ABCC8: variants seen among roughly 807,000 people sequenced by gnomAD.
ABCC8 encodes ATP binding cassette subfamily C member 8, also known as ATP-binding cassette sub-family C member 8.
Under a neutral mutation model 188.0 loss-of-function variants are expected in ABCC8, and 137 were observed. That is an observed-to-expected ratio of 0.73 (90% confidence interval 0.63 to 0.84). ABCC8 has a LOEUF of 0.84. ABCC8 is among the 40% of genes least tolerant of loss of function. The pLI is 0.00. For missense variants in ABCC8, 1,750 were observed against 2,072.7 expected (o/e 0.84, Z 3.02); for synonymous variants, 797 against 846.5 (o/e 0.94, Z 1.01).
chr11:17,400,792 G>A (rs537212895), intron 29 of ABCC8, among the ~76,000 whole-genome samples: 37 of 152,276 alleles, frequency 2.4e-4, no homozygotes, highest in African/African-American at 7.2e-4. Context: ...AGAATGTGGC[G>A]ATTCGTACCT....
chr11:17,416,874 C>T lies in ABCC8; in HGVS notation c.2255+56G>A. On this transcript the variant is annotated intron_variant, in intron 17 of 38. Transcript: ENST00000389817. Reference sequence around the variant, plus strand: ...TACCCACCCACAAGTCCTCCACCCCCACCCTACCCCTTCCCTTTGTTGAGA... The same window carrying T: ...TACCCACCCACAAGTCCTCCACCCCTACCCTACCCCTTCCCTTTGTTGAGA... 28 of 1,601,500 alleles carry T rather than the reference C, an allele frequency of 1.7e-5. No homozygotes were observed. In the South Asian group the frequency reaches 2.9e-4, roughly 16 times the overall value.
At chr11:17,428,181 AG>A (rs1468963738) in intron 14 of ABCC8, 107 bp downstream of exon 14, 4 of 1,573,026 alleles carry the variant, frequency 2.5e-6, no homozygotes, top group Admixed American at 1.7e-5. Context: ...ACAGGCAGGC[AG>A]GGTGACCTCT....
chr11:17,448,679 T>C lies in ABCC8; in HGVS notation c.1177-8A>G, dbSNP rs1157706102. The C allele has an allele frequency of 6.2e-7, 1 of 1,614,160 alleles. No homozygotes were observed. The highest frequency in any genetic ancestry group is 8.5e-7 in the Non-Finnish European group (1 of 1,180,020). ...TTTATTGTAAATCTTGGTCTAGAAA[T>C]GAGAGCAGAGTGTTTCACATTCATC... On this transcript the variant is annotated splice_region_variant and splice_polypyrimidine_tract_variant and intron_variant, in intron 7 of 38. Coordinates refer to ENST00000389817, the MANE Select transcript of ABCC8 (RefSeq NM_000352.6).
chr11:17,465,860 C>G (rs1848112787), intron 3 of ABCC8, among the ~76,000 whole-genome samples: 1 of 152,132 alleles, frequency 6.6e-6, no homozygotes, highest in Non-Finnish European at 1.5e-5. Context: ...TTGTTCTCCT[C>G]CAAGCTGGTC....
chr11:17,449,922 T>A (rs1253962577), intron 7 of ABCC8, among the ~76,000 whole-genome samples: 1 of 152,212 alleles, frequency 6.6e-6, no homozygotes, highest in Non-Finnish European at 1.5e-5. Flanking sequence ...ATGACATTTT[T>A]AAAGAAATCT....
Position 17,476,730 on chromosome 11 carries a change from C to G in ABCC8, c.47G>C (p.Arg16Pro). 3.1e-6 allele frequency: 5 copies of G among 1,604,856 alleles called. No homozygotes were observed. Among genetic ancestry groups the G allele is most frequent in the Non-Finnish European group, 4.3e-6 (5 of 1,176,062 alleles). The change falls in exon 1 of 39, where the codon CGG becomes CCG. Residue 16 changes from arginine (R) to proline (P), a missense_variant. Physicochemically the swap from Arg to Pro is moderately radical, Grantham distance 103 (BLOSUM62 -2). Coordinates refer to ENST00000389817, the MANE Select transcript of ABCC8 (RefSeq NM_000352.6). Reference sequence around the variant, plus strand: ...GTTGTTGAGGACCCCCTGGTCCACCCGGTAGGCGGCCGAGTGGTTCTCGCT... The same window carrying G: ...GTTGTTGAGGACCCCCTGGTCCACCGGGTAGGCGGCCGAGTGGTTCTCGCT... ...CGSENHSAAY[R>P]VDQGVLNNGC... is the part of the protein sequence containing the mutation.
intron 6 of ABCC8, 67 bp from the exon 7 acceptor site, chr11:17,453,350 C>A (rs1188099628): frequency 1.9e-6 from 3 of 1,598,614 alleles, no homozygotes; most frequent in Non-Finnish European, 2.6e-6. Context: ...GAACACATCA[C>A]TGTGCCATAA....
rs1955020359 is a variant in ABCC8, at chr11:17,415,336, T to C, written c.2259A>G (p.Pro753=). The change falls in exon 18 of 39, where the codon CCA becomes CCG. Residue 753 remains proline, a synonymous_variant. Transcript: ENST00000389817. ...CCAAGTCGGTCGCTGTCTCCCGCTC[T>C]GGGCTGCAGCAGGGGAGGAAAGGCA... ...PDSEIGEDPS[P]ERETATDLDI... 1.2e-6 allele frequency: 2 copies of C among 1,610,752 alleles called. No individual in the cohort carries two copies. Among genetic ancestry groups the C allele is most frequent in the Non-Finnish European group, 1.7e-6 (2 of 1,179,048 alleles).
chr11:17,475,365 ACAT>A (rs1848703760), intron 1 of ABCC8, among the ~76,000 whole-genome samples: 1 of 152,114 alleles, frequency 6.6e-6, no homozygotes, highest in Admixed American at 6.5e-5. Flanking sequence ...CTACAGGCGC[ACAT>A]CACCATGCTC....
chr11:17,453,015 A>G (rs1956869033), intron 7 of ABCC8, 104 bp downstream of exon 7: 10 of 1,120,124 alleles, frequency 8.9e-6, no homozygotes, highest in Non-Finnish European at 1.4e-5. Flanking sequence ...AAATAAATTT[A>G]CAGCAGAATT....
At chr11:17,447,460 C>T (rs950817866) in intron 8 of ABCC8, among the ~76,000 whole-genome samples, 2 of 152,184 alleles carry the variant, frequency 1.3e-5, no homozygotes, top group Admixed American at 6.5e-5. Context: ...AGGAGTCTCT[C>T]TGTTGTCCAG....
intron 33 of ABCC8, 149 bp from the exon 34 acceptor site, chr11:17,396,079 AG>A (rs1953913348): frequency 1.5e-5 from 22 of 1,492,234 alleles, no homozygotes; most frequent in Non-Finnish European, 1.9e-5. Flanking sequence ...TGGACACCAC[AG>A]GTTTGGGCTT....
intron 38 of ABCC8, 62 bp downstream of exon 38, chr11:17,393,635 G>T: frequency 6.2e-7 from 1 of 1,609,748 alleles, no homozygotes; most frequent in Non-Finnish European, 8.5e-7. Context: ...CACTGATGAC[G>T]GCCACAACAG....
chr11:17,394,368 G>A lies in ABCC8; in HGVS notation c.4443C>T (p.Phe1481=), dbSNP rs2133395252. The change falls in exon 37 of 39, where the codon TTC becomes TTT. Residue 1481 remains phenylalanine, a synonymous_variant. Transcript: ENST00000389817. ...DAIITEGGEN[F]SQGQRQLFCL... ...AGAACAGCTGCCTCTGTCCCTGGCT[G>A]AAATTCTCCCCGCCTTCTGTGATGA... The A allele has an allele frequency of 6.2e-7, 1 of 1,614,218 alleles. No individual in the cohort carries two copies.
At chr11:17,462,990 G>A (rs913650201) in intron 4 of ABCC8, among the ~76,000 whole-genome samples, 1 of 152,140 alleles carries the variant, frequency 6.6e-6, no homozygotes, top group African/African-American at 2.4e-5. Context: ...GTAGGGGCAG[G>A]GGAAGGGGAA....
chr11:17,448,366 G>T (rs1956621898), intron 8 of ABCC8, 150 bp downstream of exon 8: 2 of 724,772 alleles, frequency 2.8e-6, no homozygotes, highest in Admixed American at 4.0e-5. Flanking sequence ...GAGGGACCCA[G>T]AGGTACAGCC....
chr11:17,404,377 T>A lies in ABCC8; in HGVS notation c.3557+135A>T. On this transcript the variant is annotated intron_variant, in intron 28 of 38. Coordinates refer to ENST00000389817, the MANE Select transcript of ABCC8 (RefSeq NM_000352.6). The surrounding 1 kb of genome is among the most constrained non-coding windows in gnomAD (Gnocchi z 4.7). The stretch of plus-strand genomic sequence containing the variant: ...TGGAATAAGATGTGGATATTTCTAT[T>A]TCCTTCATTTCTGTTTTTTGTTTTT... 1.1e-6 allele frequency: 1 copy of A among 937,526 alleles called. No homozygotes were observed. The highest frequency in any genetic ancestry group is 2.2e-4 in the Middle Eastern group (1 of 4,558). 58.1% of individuals were successfully genotyped at this position (937,526 alleles called of 1,614,324 possible). A position where few individuals can be genotyped will look rare whatever the true frequency, so the allele number is the denominator to read the frequency against.
intron 7 of ABCC8, among the ~76,000 whole-genome samples, chr11:17,452,505 C>T (rs2133639256): frequency 6.6e-6 from 1 of 152,284 alleles, no homozygotes; most frequent in East Asian, 1.9e-4. Flanking sequence ...AACCTAGACC[C>T]TTGCCTGCAC....
chr11:17,459,945 A>C (rs1957126229), intron 6 of ABCC8, among the ~76,000 whole-genome samples: 1 of 152,214 alleles, frequency 6.6e-6, no homozygotes, highest in Non-Finnish European at 1.5e-5. Flanking sequence ...TTTAATGGAA[A>C]AGTCCAACAT....
Sources: allele counts gnomAD v4.1 joint callset (sites outside exome capture counted in the v4.1 genomes callset), GRCh38; gene constraint gnomAD v4.1.1; non-coding constraint Gnocchi (gnomAD v3.1); transcripts MANE v1.5; gene names NCBI Gene and HGNC (gene_info 2026-07-23, HGNC 2026-07-21).